The following PXDNL variants were observed in gnomAD, a reference collection of about 807,000 sequenced individuals.
The protein encoded by PXDNL is probable oxidoreductase PXDNL.
PXDNL carries 145 observed loss-of-function variants against 150.8 expected under a neutral mutation model. That is an observed-to-expected ratio of 0.96 (90% CI 0.84 to 1.10). The LOEUF (loss-of-function observed/expected upper bound fraction) is 1.10, where lower values mean the gene tolerates loss of function less well. Among genes scored for constraint, PXDNL ranks in the 50% least tolerant of loss-of-function variants. The pLI is 0.00. For missense variants in PXDNL, 2,087 were observed against 1,873.9 expected (o/e 1.11, Z -2.10); for synonymous variants, 757 against 725.7 (o/e 1.04, Z -0.69).
intron 1 of PXDNL, among the ~76,000 whole-genome samples, chr8:51,685,898 C>A (rs2130854903): frequency 6.6e-6 from 1 of 152,234 alleles, no homozygotes; most frequent in Non-Finnish European, 1.5e-5. Flanking sequence ...GTACCCACAG[C>A]AACAAATATT....
chr8:51,621,448 CTG>C (rs10531050), intron 2 of PXDNL, among the ~76,000 whole-genome samples: 18,730 of 141,848 alleles, frequency 0.13, 1,169 homozygotes, highest in Non-Finnish European at 0.17. Context: ...GTGTGTGTGT[CTG>C]TGTGTGTGTG....
chr8:51,387,252 G>A (rs368246500), intron 17 of PXDNL, among the ~76,000 whole-genome samples: 3 of 152,146 alleles, frequency 2.0e-5, no homozygotes, highest in East Asian at 1.9e-4. Flanking sequence ...TCTTCATTTC[G>A]TTTCTCCAGC....
At chr8:51,742,326 C>T (rs866407746) in intron 1 of PXDNL, among the ~76,000 whole-genome samples, 16 of 152,242 alleles carry the variant, frequency 1.1e-4, no homozygotes, top group Middle Eastern at 3.4e-3. Flanking sequence ...AGTGATCACA[C>T]GCATCTACTC....
chr8:51,464,560 A>G (rs1301688954), intron 8 of PXDNL, among the ~76,000 whole-genome samples: 1 of 152,228 alleles, frequency 6.6e-6, no homozygotes, highest in Non-Finnish European at 1.5e-5. Flanking sequence ...CCACAGAAAT[A>G]CAAAAGACCA....
chr8:51,501,967 A>G (rs1312162285), intron 4 of PXDNL, among the ~76,000 whole-genome samples: 1 of 152,226 alleles, frequency 6.6e-6, no homozygotes. Context: ...TTGGATTCCA[A>G]TCTCTGTGTA....
chr8:51,359,678 T>G (rs987614214), intron 19 of PXDNL, among the ~76,000 whole-genome samples: 1 of 152,170 alleles, frequency 6.6e-6, no homozygotes, highest in Non-Finnish European at 1.5e-5. Context: ...TTCCCTAAGT[T>G]TGACACTGGA....
intron 4 of PXDNL, among the ~76,000 whole-genome samples, chr8:51,554,102 C>G (rs1210943370): frequency 6.6e-6 from 1 of 152,120 alleles, no homozygotes; most frequent in Admixed American, 6.5e-5. Context: ...AGTTTAAAGA[C>G]TTATCGTGTG....
rs1274226582 is a variant in PXDNL at position 51,744,922 on chromosome 8, GAAAGAAAAA to G, written c.164+64250_164+64258del. Among the ~76,000 whole-genome samples the G allele has an allele frequency of 4.2e-3, 470 of 112,246 alleles. 7 individuals carry two copies. Among genetic ancestry groups the G allele is most frequent in the African/African-American group, 0.014 (395 of 28,194 alleles). 73.6% of individuals were successfully genotyped at this position (112,246 alleles called of 152,430 possible). A position where few individuals can be genotyped will look rare whatever the true frequency, so the allele number is the denominator to read the frequency against. Reference sequence around the variant, plus strand: ...AGAAGGAAGGAAGGAAGGAAGGAAAGAAAGAAAAAGAAAGAAAGAAAGAAAGAAAGAAAG... The same window carrying G: ...AGAAGGAAGGAAGGAAGGAAGGAAAGGAAAGAAAGAAAGAAAGAAAGAAAG... On this transcript the variant is annotated intron_variant, in intron 1 of 22. Coordinates refer to ENST00000356297, the MANE Select transcript of PXDNL (RefSeq NM_144651.5).
At chr8:51,719,816 T>C (rs539833091) in intron 1 of PXDNL, among the ~76,000 whole-genome samples, 1 of 152,176 alleles carries the variant, frequency 6.6e-6, no homozygotes, top group African/African-American at 2.4e-5. Context: ...CAGAGTATCA[T>C]ATGTTTCAGA....
At chr8:51,511,363 C>T (rs980793569) in intron 4 of PXDNL, among the ~76,000 whole-genome samples, 7 of 152,182 alleles carry the variant, frequency 4.6e-5, no homozygotes, top group African/African-American at 1.7e-4. Context: ...AGTATTTGGC[C>T]TCCTTCCCTC....
At chr8:51,733,868 T>G (rs1486588683) in intron 1 of PXDNL, among the ~76,000 whole-genome samples, 1 of 147,532 alleles carries the variant, frequency 6.8e-6, no homozygotes, top group Non-Finnish European at 1.5e-5. Context: ...ATATATGATA[T>G]ATTTTATATA....
chr8:51,773,850 G>A (rs1169511786), intron 1 of PXDNL, among the ~76,000 whole-genome samples: 5 of 152,144 alleles, frequency 3.3e-5, no homozygotes, highest in African/African-American at 1.2e-4. Flanking sequence ...TTATTCCACT[G>A]AACTGAATCT....
chr8:51,604,608 C>A (rs1813801128), intron 2 of PXDNL, among the ~76,000 whole-genome samples: 1 of 152,090 alleles, frequency 6.6e-6, no homozygotes, highest in Non-Finnish European at 1.5e-5. Context: ...ATGTAACAAA[C>A]CTGCACGTTG....
intron 2 of PXDNL, among the ~76,000 whole-genome samples, chr8:51,596,473 A>C (rs1407183592): frequency 6.6e-6 from 1 of 152,216 alleles, no homozygotes; most frequent in East Asian, 1.9e-4. Context: ...AGCAATCTCC[A>C]ACCTGCTTTC....
intron 1 of PXDNL, among the ~76,000 whole-genome samples, chr8:51,735,738 G>A (rs1242944315): frequency 1.3e-5 from 2 of 149,716 alleles, no homozygotes; most frequent in African/African-American, 4.9e-5. Flanking sequence ...AGTAGAGACG[G>A]GGTTTCACCG....
intron 2 of PXDNL, among the ~76,000 whole-genome samples, chr8:51,600,982 TTA>T (rs1372421323): frequency 6.9e-6 from 1 of 145,620 alleles, no homozygotes; most frequent in Non-Finnish European, 1.5e-5. Context: ...ATATAATTAA[TTA>T]TATCTTATAT....
chr8:51,463,816 A>G (rs1028922459), intron 8 of PXDNL, among the ~76,000 whole-genome samples: 2 of 152,202 alleles, frequency 1.3e-5, no homozygotes, highest in Non-Finnish European at 2.9e-5. Flanking sequence ...CAAAATACGG[A>G]AATTGAACAA....
chr8:51,742,038 T>G (rs1386195479), intron 1 of PXDNL, among the ~76,000 whole-genome samples: 1 of 152,174 alleles, frequency 6.6e-6, no homozygotes, highest in Non-Finnish European at 1.5e-5. Flanking sequence ...GCTACATCCA[T>G]ACCATGGAAT....
Position 51,718,002 on chromosome 8 carries a change from AT to A in PXDNL, c.165-63243del, listed in dbSNP as rs544386177. Among the ~76,000 whole-genome samples the A allele has an allele frequency of 2.6e-3, 394 of 149,216 alleles. 5 individuals carry two copies. Among genetic ancestry groups the A allele is most frequent in the South Asian group, 0.017 (80 of 4,726 alleles). The stretch of plus-strand genomic sequence containing the variant: ...GTTGTCCTTTGAGCAAATGAGCTAG[AT>A]TTTTTTTTTTAATTACTACAACTTG... On this transcript the variant is annotated intron_variant, in intron 1 of 22. Coordinates refer to ENST00000356297, the MANE Select transcript of PXDNL (RefSeq NM_144651.5).
Sources: gnomAD v4.1 joint callset for allele counts (sites outside exome capture counted in the v4.1 genomes callset) on GRCh38, gnomAD v4.1.1 for gene constraint, MANE v1.5 for transcripts, NCBI Gene and HGNC (gene_info 2026-07-23, HGNC 2026-07-21) for gene names.